Variants in LRRC36 observed in about 807,000 individuals in gnomAD.
LRRC36 encodes the protein leucine rich repeat containing 36, also known as leucine-rich repeat-containing protein 36.
Under a neutral mutation model 81.1 loss-of-function variants are expected in LRRC36, and 62 were observed. The ratio of observed to expected loss-of-function variants is 0.76; its 90% confidence interval spans 0.62 to 0.94. LRRC36 has a LOEUF of 0.94. LRRC36 is among the 40% of genes least tolerant of loss of function. The pLI is 0.00. For missense variants in LRRC36, 761 were observed against 881.7 expected (o/e 0.86, Z 1.73); for synonymous variants, 334 against 348.6 (o/e 0.96, Z 0.47).
chr16:67,363,612 T>C lies in LRRC36; in HGVS notation c.600T>C (p.Ile200=). The part of the protein sequence containing the change: ...IEMDSNKGLF[I]PFPNREIKDS... Reference sequence around the variant, plus strand: ...CAGACTCAAACAAAGGACTTTTTATTCCCTTCCCCAACCGGGAAATAAAGG... The same window carrying C: ...CAGACTCAAACAAAGGACTTTTTATCCCCTTCCCCAACCGGGAAATAAAGG... Residue 200 remains isoleucine, a synonymous_variant, in exon 6 of 14, where the codon ATT becomes ATC. Coordinates refer to ENST00000329956, the MANE Select transcript of LRRC36 (RefSeq NM_018296.6). 1 of 1,613,982 alleles carries C rather than the reference T, an allele frequency of 6.2e-7. No homozygotes were observed.
intron 1 of LRRC36, among the ~76,000 whole-genome samples, chr16:67,329,042 T>G (rs1373041016): frequency 6.6e-6 from 1 of 152,102 alleles, no homozygotes; most frequent in African/African-American, 2.4e-5. Context: ...CCCAAGTAGC[T>G]GGGACTACAG....
chr16:67,370,630 C>CAAAAA (rs576313559), intron 8 of LRRC36, among the ~76,000 whole-genome samples: 1 of 82,660 alleles, frequency 1.2e-5, no homozygotes, highest in Non-Finnish European at 2.8e-5. Flanking sequence ...GAGACTCTCT[C>CAAAAA]AAAAAAAAAA....
rs1310085758 is a variant in LRRC36 at position 67,382,297 on chromosome 16, T to C, written c.2045+50T>C. ...CTTCTAGAAGCAGATATTTACTCCT[T>C]TTATCTCCTTTGTTTTGCTTGGAAA... On this transcript the variant is annotated intron_variant, in intron 13 of 13. Transcript: ENST00000329956. 6.9e-6 allele frequency: 9 copies of C among 1,295,430 alleles called. No individual in the cohort carries two copies. The African/African-American group carries it at 1.0e-4, about 15-fold the overall frequency. The allele number at this position is 1,295,430 out of a possible 1,614,324, so 80.2% of individuals were successfully genotyped here.
Position 67,363,679 on chromosome 16 carries a change from G to A in LRRC36, c.667G>A (p.Asp223Asn), listed in dbSNP as rs748616198. The change falls in exon 6 of 14, where the codon GAT becomes AAT. Residue 223 changes from aspartate (D) to asparagine (N), a missense_variant. By Grantham distance (23) the Asp-to-Asn change is conservative. Around this residue, in one of 3 missense-constraint regions of LRRC36, gnomAD observed 263 missense variants for 279.3 expected, o/e 0.94. Coordinates refer to ENST00000329956, the MANE Select transcript of LRRC36 (RefSeq NM_018296.6). ...TSATQGNGTR[D>N]QKLDTFPLGT... ...TGCAACTCAGGGCAATGGTACACGT[G>A]ATCAGAAATTAGACACCTTCCCACT... is the stretch of plus-strand genomic sequence containing the variant. The A allele has an allele frequency of 1.2e-6, 2 of 1,613,828 alleles. No homozygotes were observed. Among genetic ancestry groups the A allele is most frequent in the African/African-American group, 1.3e-5 (1 of 74,912 alleles).
chr16:67,337,465 C>T (rs2037818737), intron 1 of LRRC36, among the ~76,000 whole-genome samples: 1 of 149,940 alleles, frequency 6.7e-6, no homozygotes, highest in Non-Finnish European at 1.5e-5. Context: ...TCAAGTGATT[C>T]TCTTGCCTCA....
rs1362512398 is a variant in LRRC36, at chr16:67,367,001, C to A, written c.755-16C>A. ...ATTCTTATCATGTTTTGTTTTTTTG[C>A]CTTGGTGGTGTTTAGAGTTCAGACA... On this transcript the variant is annotated splice_polypyrimidine_tract_variant and intron_variant, in intron 7 of 13. Transcript: ENST00000329956. 7.0e-6 allele frequency: 11 copies of A among 1,567,716 alleles called. No individual in the cohort carries two copies. The highest frequency in any genetic ancestry group is 9.5e-6 in the Non-Finnish European group (11 of 1,159,628).
intron 4 of LRRC36, 85 bp from the exon 5 acceptor site, chr16:67,350,117 G>C: frequency 1.1e-6 from 1 of 901,954 alleles, no homozygotes; most frequent in Non-Finnish European, 1.7e-6. Flanking sequence ...GATCACCATA[G>C]ACTGCTTTCT....
At chr16:67,334,953 G>T (rs1193085560) in intron 1 of LRRC36, among the ~76,000 whole-genome samples, 1 of 151,890 alleles carries the variant, frequency 6.6e-6, no homozygotes, top group African/African-American at 2.4e-5. Context: ...ATAGGGGGTG[G>T]GTCACATAGA....
Position 67,371,076 on chromosome 16 carries a change from G to A in LRRC36, c.1328G>A (p.Arg443Lys). The A allele has an allele frequency of 6.2e-7, 1 of 1,614,198 alleles. No homozygotes were observed. The highest frequency in any genetic ancestry group is 8.5e-7 in the Non-Finnish European group (1 of 1,180,040). The stretch of plus-strand genomic sequence containing the variant: ...CCAAACAACGCTGTCCTGGGAAACA[G>A]GACAACTCCTCTGCGGACACTGCTG... The part of the protein sequence containing the change: ...SVPNNAVLGN[R>K]TTPLRTLLLS... Residue 443 changes from arginine to lysine, a missense_variant, in exon 9 of 14, where the codon AGG becomes AAG. Arg to Lys is a conservative substitution (Grantham distance 26). This residue lies in a region of LRRC36 where 359 missense variants were observed against 388.4 expected (regional missense o/e 0.92). Transcript: ENST00000329956.
Position 67,326,914 on chromosome 16 carries a change from C to T in LRRC36, c.52C>T (p.Leu18=). 2 of 1,487,536 alleles carry T rather than the reference C, an allele frequency of 1.3e-6. No individual in the cohort carries two copies. Among genetic ancestry groups the T allele is most frequent in the East Asian group, 2.8e-5 (1 of 35,158 alleles). The allele number at this position is 1,487,536 out of a possible 1,614,324, so 92.1% of individuals were successfully genotyped here. A position where few individuals can be genotyped will look rare whatever the true frequency, so the allele number is the denominator to read the frequency against. Reference sequence around the variant, plus strand: ...GGAAGGCATTCGCCGCCTGGGGGCGCTGACGCTGGAGCAGCCGGGTAGGGT... The same window carrying T: ...GGAAGGCATTCGCCGCCTGGGGGCGTTGACGCTGGAGCAGCCGGGTAGGGT... ...DEEGIRRLGA[L]TLEQPELVES... Residue 18 remains leucine, a synonymous_variant, in exon 1 of 14, where the codon CTG becomes TTG. Coordinates refer to ENST00000329956, the MANE Select transcript of LRRC36 (RefSeq NM_018296.6).
intron 12 of LRRC36, among the ~76,000 whole-genome samples, chr16:67,381,052 C>T (rs1383051014): frequency 1.3e-5 from 2 of 151,946 alleles, no homozygotes; most frequent in African/African-American, 4.8e-5. Flanking sequence ...GGTGAAACCC[C>T]ATCTCTACTA....
At chr16:67,346,562 G>A in intron 3 of LRRC36, 114 bp downstream of exon 3, 2 of 534,296 alleles carry the variant, frequency 3.7e-6, no homozygotes, top group Non-Finnish European at 6.3e-6. Context: ...TTGTTTATTA[G>A]TCAATATTTA....
At chr16:67,350,967 G>A (rs557077226) in intron 5 of LRRC36, among the ~76,000 whole-genome samples, 5 of 152,148 alleles carry the variant, frequency 3.3e-5, no homozygotes, top group Non-Finnish European at 7.4e-5. Flanking sequence ...GAACCTGGGA[G>A]GCAGAGGTTG....
At chr16:67,367,749 C>T (rs1234502187) in intron 8 of LRRC36, among the ~76,000 whole-genome samples, 2 of 152,134 alleles carry the variant, frequency 1.3e-5, no homozygotes, top group African/African-American at 4.8e-5. Context: ...TTCTGACTTA[C>T]TTTCAGAAGA....
intron 11 of LRRC36, among the ~76,000 whole-genome samples, chr16:67,377,482 C>T (rs2039945806): frequency 6.6e-6 from 1 of 152,090 alleles, no homozygotes; most frequent in South Asian, 2.1e-4. Flanking sequence ...CAGGTGCCCA[C>T]CACCATGCCC....
At chr16:67,374,337 T>C (rs2039792116) in intron 9 of LRRC36, among the ~76,000 whole-genome samples, 1 of 152,160 alleles carries the variant, frequency 6.6e-6, no homozygotes, top group Non-Finnish European at 1.5e-5. Flanking sequence ...TTCTATTATA[T>C]AACATATTGA....
chr16:67,337,824 G>A (rs1036654197), intron 1 of LRRC36, among the ~76,000 whole-genome samples: 1 of 151,958 alleles, frequency 6.6e-6, no homozygotes, highest in East Asian at 1.9e-4. Context: ...AGGGCTGGGC[G>A]TGGTGGTTCC....
intron 1 of LRRC36, among the ~76,000 whole-genome samples, chr16:67,341,279 C>A (rs1482370647): frequency 7.6e-6 from 1 of 132,354 alleles, no homozygotes; most frequent in Non-Finnish European, 1.6e-5. Context: ...TATAGCCTAT[C>A]TATAGTCTAT....
rs572017772 is a variant in LRRC36 at position 67,367,145 on chromosome 16, A to G, written c.883A>G (p.Lys295Glu). The G allele has an allele frequency of 1.2e-5, 20 of 1,614,212 alleles. No homozygotes were observed. The East Asian group carries it at 1.6e-4, about 13-fold the overall frequency. ...GSSPEKELIP[K>E]PDTFHLTHDA... ...TTCTCCAGAAAAGGAATTGATACCA[A>G]AACCTGATACTTTTCATCTTACCCA... Residue 295 changes from lysine to glutamate, a missense_variant, in exon 8 of 14, where the codon AAA (lysine) becomes GAA (glutamate). Transcript: ENST00000329956.
Sources: allele counts gnomAD v4.1 joint callset (sites outside exome capture counted in the v4.1 genomes callset), GRCh38; gene constraint gnomAD v4.1.1; regional missense constraint gnomAD v4.1.1; transcripts MANE v1.5; gene names NCBI Gene and HGNC (gene_info 2026-07-23, HGNC 2026-07-21).